Variants in ARHGAP18 observed in about 807,000 individuals in gnomAD.
ARHGAP18 encodes Rho GTPase activating protein 18.
In ARHGAP18, 67 loss-of-function variants were observed where a neutral mutation model predicts 86.2. That is an observed-to-expected ratio of 0.78 (90% CI 0.64 to 0.95). The LOEUF is 0.95. ARHGAP18 is among the 40% of genes least tolerant of loss of function. The pLI is 0.00. For missense variants in ARHGAP18, 691 were observed against 780.4 expected (o/e 0.89, Z 1.37); for synonymous variants, 283 against 280.4 (o/e 1.01, Z -0.09).
intron 12 of ARHGAP18, among the ~76,000 whole-genome samples, chr6:129,589,537 C>T (rs1360467774): frequency 6.6e-6 from 1 of 152,188 alleles, no homozygotes; most frequent in East Asian, 1.9e-4. Flanking sequence ...TTTCCCACGT[C>T]TTCCTGTCTT....
chr6:129,654,470 T>C (rs1017115456), intron 1 of ARHGAP18, among the ~76,000 whole-genome samples: 1 of 152,178 alleles, frequency 6.6e-6, no homozygotes, highest in African/African-American at 2.4e-5. Context: ...ATTACCAGGC[T>C]TACACTAGCC....
chr6:129,703,455 T>A (rs1183963202), intron 1 of ARHGAP18, among the ~76,000 whole-genome samples: 1 of 152,220 alleles, frequency 6.6e-6, no homozygotes, highest in African/African-American at 2.4e-5. Context: ...AAGTAATAAA[T>A]GTGCCGTGGA....
At chr6:129,677,229 T>C (rs1309668131) in intron 1 of ARHGAP18, among the ~76,000 whole-genome samples, 1 of 152,014 alleles carries the variant, frequency 6.6e-6, no homozygotes, top group Non-Finnish European at 1.5e-5. Flanking sequence ...CCGTCTCTAC[T>C]AAAATTACAA....
intron 12 of ARHGAP18, among the ~76,000 whole-genome samples, chr6:129,595,829 G>A (rs1335329751): frequency 2.0e-5 from 3 of 152,108 alleles, no homozygotes; most frequent in Non-Finnish European, 4.4e-5. Flanking sequence ...TTGAAATCAT[G>A]AAATTGAAAG....
chr6:129,623,542 G>T (rs1789276200), intron 5 of ARHGAP18, among the ~76,000 whole-genome samples: 1 of 152,168 alleles, frequency 6.6e-6, no homozygotes, highest in African/African-American at 2.4e-5. Flanking sequence ...AATATGAAAT[G>T]AGGTCAACAG....
Position 129,621,423 on chromosome 6 carries a change from A to AGATGG in ARHGAP18, c.787-2576_787-2572dup, listed in dbSNP as rs1789226364. Among the ~76,000 whole-genome samples the AGATGG allele has an allele frequency of 2.6e-5, 4 of 152,328 alleles. No individual in the cohort carries two copies. The South Asian group carries it at 8.3e-4, about 32-fold the overall frequency. Reference sequence around the variant, plus strand: ...AATAAACAGCAATGGACATCACTGAAGATGGGGCCTAAGCAAATTTCCAGC... The same window carrying AGATGG: ...AATAAACAGCAATGGACATCACTGAAGATGGGATGGGGCCTAAGCAAATTTCCAGC... On this transcript the variant is annotated intron_variant, in intron 5 of 14. Coordinates refer to ENST00000368149, the MANE Select transcript of ARHGAP18 (RefSeq NM_033515.3).
At chr6:129,670,043 T>C (rs531417603) in intron 1 of ARHGAP18, among the ~76,000 whole-genome samples, 126 of 152,362 alleles carry the variant, frequency 8.3e-4, no homozygotes, top group Non-Finnish European at 1.6e-3. Flanking sequence ...TCTATTTATC[T>C]CTTATACTTT....
At chr6:129,681,781 G>A (rs899193949) in intron 1 of ARHGAP18, among the ~76,000 whole-genome samples, 1 of 152,214 alleles carries the variant, frequency 6.6e-6, no homozygotes, top group Non-Finnish European at 1.5e-5. Flanking sequence ...ACAGTCCAAA[G>A]ACAACACATT....
At position 129,641,944 on chromosome 6, in the gene ARHGAP18, C is replaced by A. The variant is rs757913140; in HGVS notation, c.188G>T (p.Arg63Leu). The A allele has an allele frequency of 1.2e-6, 2 of 1,613,920 alleles. No homozygotes were observed. Among genetic ancestry groups the A allele is most frequent in the South Asian group, 2.2e-5 (2 of 91,068 alleles). ...IKVMEKPPFD[R>L]SISQDSLDEL... ...ATCCAAAGAATCCTGGGAAATTGAT[C>A]GATCAAATGGAGGCTTCTCCATAAC... Residue 63 changes from arginine to leucine, a missense_variant, in exon 2 of 15, where the codon CGA becomes CTA. Physicochemically the swap from Arg to Leu is moderately radical, Grantham distance 102 (BLOSUM62 -2). Coordinates refer to ENST00000368149, the MANE Select transcript of ARHGAP18 (RefSeq NM_033515.3).
At chr6:129,580,244 A>G (rs1020010013) in intron 13 of ARHGAP18, 113 bp from the exon 14 acceptor site, 2 of 850,584 alleles carry the variant, frequency 2.4e-6, no homozygotes, top group African/African-American at 3.4e-5. Context: ...ACTTAGACAC[A>G]CTGTAATTAT....
chr6:129,592,158 G>C (rs1397878599), intron 12 of ARHGAP18, among the ~76,000 whole-genome samples: 1 of 152,052 alleles, frequency 6.6e-6, no homozygotes, highest in Admixed American at 6.6e-5. Flanking sequence ...GTCATAAAAA[G>C]AAATAAGATT....
intron 1 of ARHGAP18, among the ~76,000 whole-genome samples, chr6:129,674,957 T>G (rs1462666421): frequency 2.0e-5 from 3 of 152,146 alleles, no homozygotes; most frequent in African/African-American, 7.2e-5. Flanking sequence ...TTTTAAAAAT[T>G]TTGACAAAAT....
chr6:129,694,812 A>G (rs1774586534), intron 1 of ARHGAP18, among the ~76,000 whole-genome samples: 1 of 152,252 alleles, frequency 6.6e-6, no homozygotes, highest in South Asian at 2.1e-4. Context: ...TATAGAAGAT[A>G]TTAAGTAAAA....
intron 1 of ARHGAP18, among the ~76,000 whole-genome samples, chr6:129,683,075 T>TTTTTTTTTTTTTG (rs1774352887): frequency 6.8e-6 from 1 of 146,090 alleles, no homozygotes; most frequent in African/African-American, 2.6e-5. Flanking sequence ...TTTTGTTTTT[T>TTTTTTTTTTTTTG]TTTTTGTTTT....
Position 129,645,300 on chromosome 6 carries a change from A to G in ARHGAP18, c.114-3282T>C, listed in dbSNP as rs144386441. ...CCTAAAACTGTTCTGCTAAGAGGCCAGTTAACTAGTTTCCTCTTTTCTGTT... is the reference window on the plus strand; with the variant it reads ...CCTAAAACTGTTCTGCTAAGAGGCCGGTTAACTAGTTTCCTCTTTTCTGTT... On this transcript the variant is annotated intron_variant, in intron 1 of 14. Transcript: ENST00000368149. Among the ~76,000 whole-genome samples, 972 of 152,342 alleles carry G rather than the reference A, an allele frequency of 6.4e-3. 14 individuals carry two copies. Among genetic ancestry groups the G allele is most frequent in the African/African-American group, 0.022 (913 of 41,582 alleles).
chr6:129,667,650 A>G (rs1584102698), intron 1 of ARHGAP18, among the ~76,000 whole-genome samples: 2 of 151,918 alleles, frequency 1.3e-5, no homozygotes, highest in African/African-American at 4.8e-5. Context: ...CTAGTAAGGC[A>G]TTGGCTATTC....
intron 9 of ARHGAP18, among the ~76,000 whole-genome samples, chr6:129,606,738 C>T (rs183412164): frequency 2.5e-4 from 38 of 152,152 alleles, no homozygotes; most frequent in African/African-American, 8.0e-4. Context: ...ATTTCAGTTC[C>T]GTCTCTCCTA....
chr6:129,625,849 ATAT>A lies in ARHGAP18; in HGVS notation c.786+3501_786+3503del, dbSNP rs1376078812. Among the ~76,000 whole-genome samples, 85 of 83,778 alleles carry A rather than the reference ATAT, an allele frequency of 1.0e-3. 2 individuals carry two copies. The East Asian group carries it at 0.022, about 22-fold the overall frequency. The allele number at this position is 83,778 out of a possible 152,430, so 55.0% of individuals were successfully genotyped here. On this transcript the variant is annotated intron_variant, in intron 5 of 14. Transcript: ENST00000368149. ...TATATATTATACATTTATATATTATATATTATATTTATATATTATATATTATAT... is the reference window on the plus strand; with the variant it reads ...TATATATTATACATTTATATATTATATATATTTATATATTATATATTATAT...
chr6:129,683,069 G>C (rs111303621), intron 1 of ARHGAP18, among the ~76,000 whole-genome samples: 1 of 112,120 alleles, frequency 8.9e-6, no homozygotes, highest in South Asian at 2.7e-4. Flanking sequence ...TTTTTTTTTT[G>C]TTTTTTTTTT....
Sources: allele counts gnomAD v4.1 joint callset (sites outside exome capture counted in the v4.1 genomes callset), GRCh38; gene constraint gnomAD v4.1.1; transcripts MANE v1.5; gene names NCBI Gene and HGNC (gene_info 2026-07-23, HGNC 2026-07-21).